Variants in ZNF354C observed in about 807,000 individuals in gnomAD.
ZNF354C encodes the protein zinc finger protein 354C, also known as KRAB-zinc finger protein synten.
A neutral mutation model predicts 12.4 loss-of-function variants in ZNF354C; 7 were observed. That is an observed-to-expected ratio of 0.56 (90% CI 0.32 to 1.06). The LOEUF (loss-of-function observed/expected upper bound fraction) is 1.06. Among genes scored for constraint, ZNF354C ranks in the 50% least tolerant of loss-of-function variants. The pLI, the probability that ZNF354C is intolerant of heterozygous loss-of-function variation, is 0.04. For missense variants in ZNF354C, 609 were observed against 658.0 expected, an observed-to-expected ratio of 0.93 and a Z score of 0.81; for synonymous variants, 202 against 224.5, an observed-to-expected ratio of 0.90 and a Z score of 0.90.
chr5:179,071,470 T>A (rs1156908389), intron 2 of ZNF354C, among the ~76,000 whole-genome samples: 3 of 151,880 alleles, frequency 2.0e-5, no homozygotes, highest in African/African-American at 7.3e-5. Context: ...GACTAATTCA[T>A]CTGTGGATAA....
chr5:179,080,086 T>C lies in ZNF354C; in HGVS notation c.1654T>C (p.Tyr552His). Reference sequence around the variant, plus strand: ...GAGATTTTTTAAAGGAGATAAAGCCTATGAGGTTTAGTTCATCTCTCAAAT... The same window carrying C: ...GAGATTTTTTAAAGGAGATAAAGCCCATGAGGTTTAGTTCATCTCTCAAAT... ...YQRFFKGDKAYEV is the reference protein window; with the variant it reads ...YQRFFKGDKAHEV Residue 552 changes from tyrosine to histidine, a missense_variant, in exon 5 of 5, where the codon TAT becomes CAT. Coordinates refer to ENST00000315475, the MANE Select transcript of ZNF354C (RefSeq NM_014594.3). The C allele has an allele frequency of 6.4e-7, 1 of 1,569,366 alleles. No homozygotes were observed. The highest frequency in any genetic ancestry group is 1.2e-5 in the South Asian group (1 of 82,642).
chr5:179,075,100 T>G (rs1000869686), intron 2 of ZNF354C, among the ~76,000 whole-genome samples: 1 of 151,374 alleles, frequency 6.6e-6, no homozygotes, highest in Non-Finnish European at 1.5e-5. Context: ...TCTACAAATA[T>G]ACAAAAAAAT....
At position 179,083,162 on chromosome 5, in the gene ZNF354C, A is replaced by T. The variant is rs576052502; in HGVS notation, c.*3065A>T. 2.3e-6 allele frequency: 1 copy of T among 435,440 alleles called. No homozygotes were observed. The highest frequency in any genetic ancestry group is 2.0e-5 in the African/African-American group (1 of 49,420). The allele number at this position is 435,440 out of a possible 1,614,324, so 27.0% of individuals were successfully genotyped here. On this transcript the variant is annotated 3_prime_UTR_variant, in exon 5 of 5. Coordinates refer to ENST00000315475, the MANE Select transcript of ZNF354C (RefSeq NM_014594.3). ...TCTCTGCTAGATTAAGACAAGAGAC[A>T]TAACCAAATGGAAAGTGTGATCCTT...
At chr5:179,061,595 A>T (rs1206434583) in intron 1 of ZNF354C, among the ~76,000 whole-genome samples, 2 of 152,088 alleles carry the variant, frequency 1.3e-5, no homozygotes, top group Non-Finnish European at 2.9e-5. Flanking sequence ...TCACCAGGGT[A>T]GGGATGCGGG....
chr5:179,065,013 ATTT>A (rs1761942696), intron 2 of ZNF354C, among the ~76,000 whole-genome samples: 2 of 152,100 alleles, frequency 1.3e-5, no homozygotes, highest in African/African-American at 4.8e-5. Flanking sequence ...TTAATTACAT[ATTT>A]TTCTGCAGTA....
In ZNF354C at chr5:179,079,594, G is replaced by A; in HGVS notation, c.1162G>A (p.Glu388Lys). 1.9e-6 allele frequency: 3 copies of A among 1,614,126 alleles called. No individual in the cohort carries two copies. The highest frequency in any genetic ancestry group is 2.5e-6 in the Non-Finnish European group (3 of 1,180,024). ...HTGEQLYTCLECGRTFTRIVT... is the reference protein window; with the variant it reads ...HTGEQLYTCLKCGRTFTRIVT... ...TGGAGAACAACTGTATACATGCTTG[G>A]AATGTGGGAGAACCTTCACACGTAT... is the stretch of plus-strand genomic sequence containing the variant. The change falls in exon 5 of 5, where the codon GAA becomes AAA. Residue 388 changes from glutamate to lysine, a missense_variant. By Grantham distance (56) the Glu-to-Lys change is moderately conservative (BLOSUM62 1). Coordinates refer to ENST00000315475, the MANE Select transcript of ZNF354C (RefSeq NM_014594.3). This position sits in a 1 kb window ranked among gnomAD's most constrained non-coding sequence, Gnocchi z 4.2.
In ZNF354C at chr5:179,080,392, A is replaced by G. The variant is rs1581122363; in HGVS notation, c.*295A>G. On this transcript the variant is annotated 3_prime_UTR_variant, in exon 5 of 5. Coordinates refer to ENST00000315475, the MANE Select transcript of ZNF354C (RefSeq NM_014594.3). Reference sequence around the variant, plus strand: ...GTTGAATATACATTTTGTTTCTCTCATAAGACCATATTCCCTTTAAAAGAG... The same window carrying G: ...GTTGAATATACATTTTGTTTCTCTCGTAAGACCATATTCCCTTTAAAAGAG... The G allele has an allele frequency of 5.4e-6, 1 of 184,084 alleles. No individual in the cohort carries two copies. Among genetic ancestry groups the G allele is most frequent in the East Asian group, 1.4e-4 (1 of 6,934 alleles). 11.4% of individuals were successfully genotyped at this position (184,084 alleles called of 1,614,324 possible).
chr5:179,078,421 T>C (rs1561751640), intron 4 of ZNF354C, among the ~76,000 whole-genome samples: 1 of 152,246 alleles, frequency 6.6e-6, no homozygotes, highest in East Asian at 1.9e-4. Flanking sequence ...CCTGTTCTTC[T>C]GCATCTAACT....
intron 2 of ZNF354C, among the ~76,000 whole-genome samples, chr5:179,064,605 G>A (rs1404476308): frequency 1.3e-5 from 2 of 149,338 alleles, no homozygotes; most frequent in Non-Finnish European, 3.0e-5. Flanking sequence ...TTGTAGAGAC[G>A]GGGTTTCACC....
At chr5:179,061,877 T>G in intron 1 of ZNF354C, 138 bp from the exon 2 acceptor site, 1 of 664,968 alleles carries the variant, frequency 1.5e-6, no homozygotes, top group Non-Finnish European at 2.7e-6. Context: ...AGTAAACTAG[T>G]AAACACTCTT....
At chr5:179,069,984 C>T (rs541871656) in intron 2 of ZNF354C, among the ~76,000 whole-genome samples, 1 of 152,272 alleles carries the variant, frequency 6.6e-6, no homozygotes, top group South Asian at 2.1e-4. Flanking sequence ...GCTAGAGCTA[C>T]GAGGAAACAG....
At chr5:179,070,501 T>C (rs1184077720) in intron 2 of ZNF354C, among the ~76,000 whole-genome samples, 1 of 152,216 alleles carries the variant, frequency 6.6e-6, no homozygotes, top group Non-Finnish European at 1.5e-5. Flanking sequence ...GGTTTCCTAG[T>C]GTGATCCTGG....
chr5:179,083,412 T>C lies in ZNF354C; in HGVS notation c.*3315T>C, dbSNP rs1451146880. The C allele has an allele frequency of 1.3e-5, 2 of 153,198 alleles. No homozygotes were observed. Among genetic ancestry groups the C allele is most frequent in the Non-Finnish European group, 2.9e-5 (2 of 68,738 alleles). The allele number at this position is 153,198 out of a possible 1,614,324, so 9.5% of individuals were successfully genotyped here. A position where few individuals can be genotyped will look rare whatever the true frequency, so the allele number is the denominator to read the frequency against. On this transcript the variant is annotated 3_prime_UTR_variant, in exon 5 of 5. Coordinates refer to ENST00000315475, the MANE Select transcript of ZNF354C (RefSeq NM_014594.3). ...TTGACAGCATATTTTCAAATAAATA[T>C]GTACAAAATCAGTCAATTGTTTTTT... is the stretch of plus-strand genomic sequence containing the variant.
Position 179,079,500 on chromosome 5 carries a change from T to C in ZNF354C, c.1068T>C (p.Tyr356=). The change falls in exon 5 of 5, where the codon TAT becomes TAC. Residue 356 remains tyrosine (Y), a synonymous_variant. Transcript: ENST00000315475. The surrounding 1 kb of genome is among the most constrained non-coding windows in gnomAD (Gnocchi z 4.2). The stretch of plus-strand genomic sequence containing the variant: ...GAATCCATACAGGTGAGAAACCCTA[T>C]AAATGTAGTGAGTGTGGGAAGGGAT... ...HQRIHTGEKP[Y]KCSECGKGYS... 1 of 1,614,132 alleles carries C rather than the reference T, an allele frequency of 6.2e-7. No homozygotes were observed. Among genetic ancestry groups the C allele is most frequent in the Non-Finnish European group, 8.5e-7 (1 of 1,180,010 alleles).
intron 2 of ZNF354C, among the ~76,000 whole-genome samples, chr5:179,075,275 A>G (rs1478643273): frequency 6.6e-6 from 1 of 151,316 alleles, no homozygotes; most frequent in African/African-American, 2.4e-5. Flanking sequence ...AGAAAAAAAA[A>G]AAATAAGCTG....
chr5:179,077,175 G>C lies in ZNF354C; in HGVS notation c.250+9G>C. 1 of 1,612,190 alleles carries C rather than the reference G, an allele frequency of 6.2e-7. No homozygotes were observed. Among genetic ancestry groups the C allele is most frequent in the Non-Finnish European group, 8.5e-7 (1 of 1,178,218 alleles). On this transcript the variant is annotated intron_variant, in intron 4 of 4. Transcript: ENST00000315475. ...TTCAGATACCCGTCTAGGTAAGTGA[G>C]AGGCTGGGAAATGGGCACAAGGGGT...
chr5:179,069,964 T>G (rs1762027118), intron 2 of ZNF354C, among the ~76,000 whole-genome samples: 1 of 152,220 alleles, frequency 6.6e-6, no homozygotes. Flanking sequence ...CTTCAGACTT[T>G]CAGTCAGGAG....
chr5:179,082,022 T>G lies in ZNF354C; in HGVS notation c.*1925T>G, dbSNP rs913027068. 7 of 152,218 alleles carry G rather than the reference T, an allele frequency of 4.6e-5. No homozygotes were observed. Among genetic ancestry groups the G allele is most frequent in the African/African-American group, 1.7e-4 (7 of 41,458 alleles). The allele number at this position is 152,218 out of a possible 1,614,324, so 9.4% of individuals were successfully genotyped here. On this transcript the variant is annotated 3_prime_UTR_variant, in exon 5 of 5. Transcript: ENST00000315475. ...AAAAAGAAAACTCTATACAATTATT[T>G]GAAGAATGTCTTCTTTTAAATGTAC...
At position 179,081,446 on chromosome 5, in the gene ZNF354C, T is replaced by C. The variant is rs1270548944; in HGVS notation, c.*1349T>C. 6.6e-6 allele frequency: 1 copy of C among 151,942 alleles called. No individual in the cohort carries two copies. Among genetic ancestry groups the C allele is most frequent in the Non-Finnish European group, 1.5e-5 (1 of 67,998 alleles). 9.4% of individuals were successfully genotyped at this position (151,942 alleles called of 1,614,324 possible). Reference sequence around the variant, plus strand: ...TTCCTCCCAGGCGTTTTTCCTCCAATTTTATATTTGATTTTTCATTCAATT... The same window carrying C: ...TTCCTCCCAGGCGTTTTTCCTCCAACTTTATATTTGATTTTTCATTCAATT... On this transcript the variant is annotated 3_prime_UTR_variant, in exon 5 of 5. Coordinates refer to ENST00000315475, the MANE Select transcript of ZNF354C (RefSeq NM_014594.3).
Sources: gnomAD v4.1 joint callset for allele counts (sites outside exome capture counted in the v4.1 genomes callset) on GRCh38, gnomAD v4.1.1 for gene constraint, Gnocchi (gnomAD v3.1) non-coding constraint, MANE v1.5 for transcripts, NCBI Gene and HGNC (gene_info 2026-07-23, HGNC 2026-07-21) for gene names.